RCAN2: variants seen among roughly 807,000 people sequenced by gnomAD.
RCAN2 encodes the protein regulator of calcineurin 2, also known as calcipressin-2.
Under a neutral mutation model 23.6 loss-of-function variants are expected in RCAN2, and 9 were observed. The observed-to-expected ratio is 0.38, with a 90% CI of 0.23 to 0.67. The LOEUF is 0.67. Ranked by LOEUF, RCAN2 falls within the 30% of genes least tolerant of loss-of-function variation. RCAN2 has a pLI of 0.51. For missense variants in RCAN2, 273 were observed against 302.3 expected (o/e 0.90, Z 0.72); for synonymous variants, 109 against 115.7 (o/e 0.94, Z 0.37).
intron 2 of RCAN2, among the ~76,000 whole-genome samples, chr6:46,415,149 C>A (rs1766670031): frequency 6.6e-6 from 1 of 152,114 alleles, no homozygotes; most frequent in South Asian, 2.1e-4. Flanking sequence ...AGGAAGGTGA[C>A]CCTGGCAACT....
intron 2 of RCAN2, among the ~76,000 whole-genome samples, chr6:46,319,545 A>T (rs763644457): frequency 6.6e-6 from 1 of 152,208 alleles, no homozygotes; most frequent in Non-Finnish European, 1.5e-5. Context: ...TTATTAGTTG[A>T]ACGGTCTACC....
intron 2 of RCAN2, among the ~76,000 whole-genome samples, chr6:46,422,813 T>C (rs1766920309): frequency 6.6e-6 from 1 of 152,158 alleles, no homozygotes; most frequent in Admixed American, 6.5e-5. Flanking sequence ...TTGAAAATAT[T>C]AAGAGGATTA....
intron 2 of RCAN2, among the ~76,000 whole-genome samples, chr6:46,413,305 T>G (rs554980770): frequency 6.6e-6 from 1 of 152,366 alleles, no homozygotes; most frequent in South Asian, 2.1e-4. Flanking sequence ...AAGGACAGAT[T>G]ACATCCTGGA....
At chr6:46,320,545 G>A (rs1763580897) in intron 2 of RCAN2, among the ~76,000 whole-genome samples, 1 of 152,158 alleles carries the variant, frequency 6.6e-6, no homozygotes, top group Non-Finnish European at 1.5e-5. Context: ...ATACTATCGT[G>A]TAAAAAGAAA....
At chr6:46,300,344 A>G (rs6917598) in intron 2 of RCAN2, among the ~76,000 whole-genome samples, 107,910 of 151,790 alleles carry the variant, frequency 0.71, 40,128 homozygotes, top group Non-Finnish European at 0.83. Flanking sequence ...AGCCATATAT[A>G]GGTTTAAAGT....
chr6:46,266,179 G>T (rs1767321662), intron 2 of RCAN2, among the ~76,000 whole-genome samples: 1 of 152,092 alleles, frequency 6.6e-6, no homozygotes, highest in African/African-American at 2.4e-5. Context: ...GAAGACATGG[G>T]TTGGACCATT....
chr6:46,263,334 G>A (rs77643885), intron 2 of RCAN2, among the ~76,000 whole-genome samples: 2,438 of 152,070 alleles, frequency 0.016, 68 homozygotes, highest in African/African-American at 0.056. Context: ...ATTTCTTCTC[G>A]GAAGTCTTTC....
At chr6:46,417,448 T>C (rs547368174) in intron 2 of RCAN2, among the ~76,000 whole-genome samples, 2 of 152,222 alleles carry the variant, frequency 1.3e-5, no homozygotes, top group Admixed American at 6.5e-5. Flanking sequence ...GAAGAAAGAT[T>C]ATGATAATGA....
intron 2 of RCAN2, among the ~76,000 whole-genome samples, chr6:46,362,715 T>C (rs1765052813): frequency 6.6e-6 from 1 of 152,192 alleles, no homozygotes; most frequent in Admixed American, 6.5e-5. Context: ...CCAGCCGATA[T>C]TTTCTTAATG....
At chr6:46,322,236 T>G (rs1216433131) in intron 2 of RCAN2, among the ~76,000 whole-genome samples, 2 of 152,170 alleles carry the variant, frequency 1.3e-5, no homozygotes, top group Non-Finnish European at 2.9e-5. Context: ...ACCCTGCACA[T>G]TCACACACAC....
At chr6:46,308,449 G>C (rs1763136278) in intron 2 of RCAN2, among the ~76,000 whole-genome samples, 1 of 152,178 alleles carries the variant, frequency 6.6e-6, no homozygotes, top group African/African-American at 2.4e-5. Context: ...TAAGGGAGAG[G>C]AGAGGCAAAT....
intron 2 of RCAN2, among the ~76,000 whole-genome samples, chr6:46,410,178 T>C (rs1766506824): frequency 6.6e-6 from 1 of 152,180 alleles, no homozygotes; most frequent in Admixed American, 6.5e-5. Flanking sequence ...CTAAAAGTTA[T>C]ACCATTAGTT....
rs879476567 is a variant in RCAN2, at chr6:46,275,933, C to T, written c.226-27037G>A. 3.8e-4 allele frequency among the ~76,000 whole-genome samples: 58 copies of T among 152,250 alleles called. 1 individual carries two copies. The highest frequency in any genetic ancestry group is 3.3e-3 in the Admixed American group (51 of 15,302). ...CCAAATGAAGAATATTTGGGCTAGG[C>T]GTGGTGGCTCACACCTGTAATCCCA... On this transcript the variant is annotated intron_variant, in intron 2 of 4. Transcript: ENST00000371374.
At chr6:46,434,643 C>T (rs1454324519) in intron 2 of RCAN2, among the ~76,000 whole-genome samples, 1 of 152,180 alleles carries the variant, frequency 6.6e-6, no homozygotes, top group Non-Finnish European at 1.5e-5. Context: ...AGACCCACCC[C>T]AGGAGATTCT....
intron 2 of RCAN2, among the ~76,000 whole-genome samples, chr6:46,455,223 T>G (rs1767982326): frequency 6.6e-6 from 1 of 152,246 alleles, no homozygotes; most frequent in Non-Finnish European, 1.5e-5. Context: ...ACTTTCTTAC[T>G]TTAAATAGTC....
chr6:46,487,864 AC>A (rs1237762622), intron 1 of RCAN2, among the ~76,000 whole-genome samples: 1 of 152,214 alleles, frequency 6.6e-6, no homozygotes, highest in Admixed American at 6.5e-5. Context: ...GACAGGTACG[AC>A]CTTAACCCAA....
chr6:46,358,064 A>G (rs1163631831), intron 2 of RCAN2, among the ~76,000 whole-genome samples: 1 of 152,232 alleles, frequency 6.6e-6, no homozygotes, highest in Admixed American at 6.5e-5. Context: ...CATGCAAATT[A>G]GAGGTACAGA....
chr6:46,439,193 G>A (rs1300783896), intron 2 of RCAN2, among the ~76,000 whole-genome samples: 2 of 152,170 alleles, frequency 1.3e-5, no homozygotes, highest in Non-Finnish European at 1.5e-5. Flanking sequence ...ATGGGCCTGA[G>A]ACTCAAGGCT....
intron 2 of RCAN2, among the ~76,000 whole-genome samples, chr6:46,425,896 C>CTTTTTTTTTTT (rs1049166361): frequency 1.0e-4 from 13 of 126,676 alleles, no homozygotes; most frequent in Non-Finnish European, 1.3e-4. Flanking sequence ...TTCTTTCTTT[C>CTTTTTTTTTTT]TTTTTTTTTT....
Sources: gnomAD v4.1 joint callset for allele counts (sites outside exome capture counted in the v4.1 genomes callset) on GRCh38, gnomAD v4.1.1 for gene constraint, MANE v1.5 for transcripts, NCBI Gene and HGNC (gene_info 2026-07-23, HGNC 2026-07-21) for gene names.